Variants in LRP2 observed in about 807,000 individuals in gnomAD.
LRP2 encodes LDL receptor related protein 2.
LRP2 carries 172 observed loss-of-function variants against 531.0 expected under a neutral mutation model. That is an observed-to-expected ratio of 0.32 (90% CI 0.29 to 0.37). LRP2 has a LOEUF of 0.37. Among genes scored for constraint, LRP2 ranks in the 10% least tolerant of loss-of-function variants. The probability of loss-of-function intolerance (pLI) is 1.00; values close to 1 mark genes in which losing one functional copy is unlikely to be tolerated. For synonymous variants in LRP2, 1,992 were observed against 2,027.6 expected, an observed-to-expected ratio of 0.98 and a Z score of 0.47; for missense variants, 5,167 against 5,868.3, an observed-to-expected ratio of 0.88 and a Z score of 3.90.
intron 77 of LRP2, among the ~76,000 whole-genome samples, chr2:169,130,129 C>T (rs574204811): frequency 2.0e-5 from 3 of 152,222 alleles, no homozygotes; most frequent in African/African-American, 4.8e-5. Context: ...TTAAGTGGGG[C>T]GGGCCAAAGT....
intron 14 of LRP2, 147 bp from the exon 15 acceptor site, chr2:169,273,214 G>A: frequency 1.1e-6 from 1 of 881,312 alleles, no homozygotes; most frequent in South Asian, 1.4e-5. Context: ...GGTTACTACT[G>A]GATACATCCA....
chr2:169,352,071 T>C (rs774617924), intron 1 of LRP2, among the ~76,000 whole-genome samples: 3 of 152,146 alleles, frequency 2.0e-5, no homozygotes, highest in Non-Finnish European at 4.4e-5. Context: ...ATTCCAAGCA[T>C]GGAACAGACA....
At chr2:169,308,325 T>A (rs1376533349) in intron 3 of LRP2, among the ~76,000 whole-genome samples, 1 of 152,170 alleles carries the variant, frequency 6.6e-6, no homozygotes, top group Non-Finnish European at 1.5e-5. Flanking sequence ...CTGCCCCCAT[T>A]AACTAGTCAT....
intron 31 of LRP2, among the ~76,000 whole-genome samples, chr2:169,229,796 T>C (rs1383533276): frequency 2.6e-5 from 4 of 152,230 alleles, no homozygotes; most frequent in African/African-American, 9.6e-5. Context: ...TTGTGCAATA[T>C]CTGCTTCTTT....
At chr2:169,284,256 CTTTTTTT>C (rs1216987363) in intron 9 of LRP2, among the ~76,000 whole-genome samples, 113 of 96,612 alleles carry the variant, frequency 1.2e-3, no homozygotes, top group African/African-American at 4.7e-3. Context: ...TCTTTTTTTT[CTTTTTTT>C]TTTTTTTTTT....
chr2:169,188,993 T>C (rs1285772164), intron 48 of LRP2, among the ~76,000 whole-genome samples: 1 of 152,188 alleles, frequency 6.6e-6, no homozygotes, highest in African/African-American at 2.4e-5. Flanking sequence ...CATGCTGTAG[T>C]ACTAGAAGCT....
intron 1 of LRP2, among the ~76,000 whole-genome samples, chr2:169,328,944 A>G (rs1377616727): frequency 3.3e-5 from 5 of 152,222 alleles, no homozygotes; most frequent in African/African-American, 1.2e-4. Flanking sequence ...AGATGGTATC[A>G]ATGGCCCCAT....
At chr2:169,138,838 C>A in intron 74 of LRP2, 132 bp from the exon 75 acceptor site, 1 of 1,031,790 alleles carries the variant, frequency 9.7e-7, no homozygotes, top group East Asian at 2.6e-5. Context: ...GCTCAATTCC[C>A]ACTCTAAATT....
chr2:169,169,078 G>A (rs534532998), intron 60 of LRP2, among the ~76,000 whole-genome samples: 1 of 152,306 alleles, frequency 6.6e-6, no homozygotes, highest in Non-Finnish European at 1.5e-5. Context: ...ATTGATTCAA[G>A]TGATCCATAA....
intron 1 of LRP2, among the ~76,000 whole-genome samples, chr2:169,328,441 T>TAAAAAAAAAAAAAAAAAA (rs537210492): frequency 2.0e-5 from 1 of 49,138 alleles, no homozygotes; most frequent in East Asian, 6.0e-4. Flanking sequence ...CGGGCCGGGA[T>TAAAAAAAAAAAAAAAAAA]AAAAAAAAAA....
rs777787037 is a variant in LRP2, at chr2:169,243,113, C to T, written c.3551-41G>A. On this transcript the variant is annotated intron_variant, in intron 23 of 78. Transcript: ENST00000649046. Reference sequence around the variant, plus strand: ...AAAAGCATTAGAAATTAGCTCAGGGCTAAAATGACTAAACACTGAGATTTT... The same window carrying T: ...AAAAGCATTAGAAATTAGCTCAGGGTTAAAATGACTAAACACTGAGATTTT... The T allele has an allele frequency of 2.1e-6, 3 of 1,427,182 alleles. No homozygotes were observed. In the South Asian group the frequency reaches 3.4e-5, roughly 16 times the overall value. The allele number at this position is 1,427,182 out of a possible 1,614,324, so 88.4% of individuals were successfully genotyped here. A position where few individuals can be genotyped will look rare whatever the true frequency, so the allele number is the denominator to read the frequency against.
intron 31 of LRP2, among the ~76,000 whole-genome samples, chr2:169,228,311 T>TAAAA (rs56358282): frequency 7.5e-6 from 1 of 133,174 alleles, no homozygotes. Flanking sequence ...ACTGCAACAG[T>TAAAA]AAAAAAAAAA....
At chr2:169,338,700 C>T (rs1227321936) in intron 1 of LRP2, among the ~76,000 whole-genome samples, 1 of 152,168 alleles carries the variant, frequency 6.6e-6, no homozygotes, top group African/African-American at 2.4e-5. Context: ...AGCTTTTCCA[C>T]AGAAGGTTAA....
chr2:169,257,620 T>C (rs990472420), intron 17 of LRP2, among the ~76,000 whole-genome samples: 2 of 151,978 alleles, frequency 1.3e-5, no homozygotes, highest in African/African-American at 4.8e-5. Flanking sequence ...CAAGAAAACA[T>C]TTCAATCTCT....
chr2:169,262,796 T>C (rs1374350961), intron 16 of LRP2, among the ~76,000 whole-genome samples: 2 of 151,962 alleles, frequency 1.3e-5, no homozygotes, highest in African/African-American at 4.8e-5. Flanking sequence ...AAGTCAATCC[T>C]AAGCCAAAAG....
chr2:169,177,322 C>A (rs576744007), intron 53 of LRP2, among the ~76,000 whole-genome samples: 16 of 152,156 alleles, frequency 1.1e-4, no homozygotes, highest in African/African-American at 3.9e-4. Flanking sequence ...AAAACAAGTT[C>A]TCTTACTTAA....
intron 63 of LRP2, among the ~76,000 whole-genome samples, chr2:169,160,455 G>T (rs1304559293): frequency 6.6e-6 from 1 of 151,990 alleles, no homozygotes; most frequent in Non-Finnish European, 1.5e-5. Context: ...AGAAGAAGAT[G>T]AAGGAGGAGG....
chr2:169,148,591 G>A (rs1218309120), intron 68 of LRP2, among the ~76,000 whole-genome samples: 2 of 152,018 alleles, frequency 1.3e-5, no homozygotes, highest in African/African-American at 4.8e-5. Flanking sequence ...TCATGCCACT[G>A]CACTCCAGTC....
At chr2:169,321,723 T>G (rs1366735976) in intron 1 of LRP2, among the ~76,000 whole-genome samples, 1 of 152,200 alleles carries the variant, frequency 6.6e-6, no homozygotes, top group African/African-American at 2.4e-5. Context: ...AACAATTTTT[T>G]TTAAACCAAA....
Sources: allele counts gnomAD v4.1 joint callset (sites outside exome capture counted in the v4.1 genomes callset), GRCh38; gene constraint gnomAD v4.1.1; transcripts MANE v1.5; gene names NCBI Gene and HGNC (gene_info 2026-07-23, HGNC 2026-07-21).